NPL: variants seen among roughly 807,000 people sequenced by gnomAD.
The protein encoded by NPL is N-acetylneuraminate pyruvate lyase, also known as N-acetylneuraminate lyase.
NPL carries 32 observed loss-of-function variants against 41.1 expected under a neutral mutation model. The observed-to-expected ratio is 0.78, with a 90% CI of 0.59 to 1.05. The LOEUF (loss-of-function observed/expected upper bound fraction) is 1.05, where lower values mean the gene tolerates loss of function less well. NPL is among the 50% of genes least tolerant of loss of function. NPL has a pLI of 0.00. For missense variants in NPL, 321 were observed against 378.4 expected (o/e 0.85, Z 1.26); for synonymous variants, 128 against 134.9 (o/e 0.95, Z 0.35).
chr1:182,825,868 G>C, intron 12 of NPL, 48 bp downstream of exon 12: 3 of 1,368,512 alleles, frequency 2.2e-6, no homozygotes, highest in Non-Finnish European at 3.1e-6. Flanking sequence ...AGACTGTAAA[G>C]AAAATGGAAT....
intron 7 of NPL, 120 bp from the exon 8 acceptor site, chr1:182,816,594 G>T: frequency 1.3e-6 from 1 of 741,712 alleles, no homozygotes; most frequent in Non-Finnish European, 2.4e-6. Context: ...AGTAAAAGTG[G>T]TTGAGAATTT....
At chr1:182,825,878 T>A (rs1667617718) in intron 12 of NPL, 58 bp downstream of exon 12, 1 of 1,224,744 alleles carries the variant, frequency 8.2e-7, no homozygotes, top group Non-Finnish European at 1.2e-6. Flanking sequence ...GAAAATGGAA[T>A]ACCATCACTT....
chr1:182,811,420 G>C (rs920784436), intron 5 of NPL, among the ~76,000 whole-genome samples: 5 of 151,848 alleles, frequency 3.3e-5, no homozygotes, highest in Non-Finnish European at 7.4e-5. Flanking sequence ...GTAGAGACAG[G>C]GTTTTGCCAT....
intron 4 of NPL, 86 bp downstream of exon 4, chr1:182,803,857 C>A: frequency 1.0e-6 from 1 of 971,582 alleles, no homozygotes; most frequent in Non-Finnish European, 1.7e-6. Flanking sequence ...CAAGAGGTCA[C>A]ACAGTCATGG....
chr1:182,793,503 C>G (rs929128258), intron 2 of NPL, among the ~76,000 whole-genome samples: 7 of 152,132 alleles, frequency 4.6e-5, no homozygotes, highest in African/African-American at 9.7e-5. Context: ...AATTGAACAC[C>G]TGGTGTCAAG....
rs1015815438 is a variant in NPL, at chr1:182,794,277, C to G, written c.-16-79C>G. The G allele has an allele frequency of 9.0e-6, 11 of 1,217,650 alleles. No individual in the cohort carries two copies. The African/African-American group carries it at 1.5e-4, about 16-fold the overall frequency. The allele number at this position is 1,217,650 out of a possible 1,614,324, so 75.4% of individuals were successfully genotyped here. A position where few individuals can be genotyped will look rare whatever the true frequency, so the allele number is the denominator to read the frequency against. Reference sequence around the variant, plus strand: ...TGTAAGCACATTTTACAGTTCTAAACTAGAAATGGACTTTGCCTGGGAGTT... The same window carrying G: ...TGTAAGCACATTTTACAGTTCTAAAGTAGAAATGGACTTTGCCTGGGAGTT... On this transcript the variant is annotated intron_variant, in intron 2 of 12. Coordinates refer to ENST00000367553, the MANE Select transcript of NPL (RefSeq NM_030769.3).
At position 182,828,817 on chromosome 1, in the gene NPL, A is replaced by T; in HGVS notation, c.872A>T (p.Glu291Val). The change falls in exon 13 of 13, where the codon GAG (glutamate) becomes GTG (valine). Residue 291 changes from glutamate to valine, a missense_variant. Coordinates refer to ENST00000367553, the MANE Select transcript of NPL (RefSeq NM_030769.3). This position sits in a 1 kb window ranked among gnomAD's most constrained non-coding sequence, Gnocchi z 4.0. ...CTTCCACTGCAGAAAGCCTCCAGGGAGTTTACTGATAGTGCTGAAGCTAAA... is the reference window on the plus strand; with the variant it reads ...CTTCCACTGCAGAAAGCCTCCAGGGTGTTTACTGATAGTGCTGAAGCTAAA... ...PRLPLQKASR[E>V]FTDSAEAKLK... is the part of the protein sequence containing the mutation. The T allele has an allele frequency of 6.2e-7, 1 of 1,614,172 alleles. No individual in the cohort carries two copies. Among genetic ancestry groups the T allele is most frequent in the East Asian group, 2.2e-5 (1 of 44,878 alleles).
intron 12 of NPL, chr1:182,826,153 G>A (rs1667625362): frequency 2.6e-6 from 1 of 388,592 alleles, no homozygotes; most frequent in Non-Finnish European, 4.7e-6. Flanking sequence ...AGTGCTTGGA[G>A]GAAGGCAGTC....
At chr1:182,818,499 TAGAGATGTGCA>T (rs1177259244) in intron 8 of NPL, 31 bp from the exon 9 acceptor site, 2 of 1,610,416 alleles carry the variant, frequency 1.2e-6, no homozygotes, top group Admixed American at 1.7e-5. Flanking sequence ...TGTTATTTCC[TAGAGATGTGCA>T]GATTAATGAG....
At chr1:182,799,768 A>G (rs1666781174) in intron 3 of NPL, among the ~76,000 whole-genome samples, 1 of 151,452 alleles carries the variant, frequency 6.6e-6, no homozygotes, top group African/African-American at 2.4e-5. Flanking sequence ...CAAGGCATGA[A>G]TCTAAACCCA....
At chr1:182,794,583 CTG>C in intron 3 of NPL, 144 bp downstream of exon 3, 2 of 783,288 alleles carry the variant, frequency 2.6e-6, no homozygotes, top group Non-Finnish European at 4.4e-6. Flanking sequence ...TCCCTCTGCA[CTG>C]TCTCTGATCC....
rs539763982 is a variant in NPL at position 182,812,235 on chromosome 1, G to C, written c.288+22G>C. 1.9e-4 allele frequency: 304 copies of C among 1,608,682 alleles called. 4 individuals are homozygous for C. The South Asian group carries it at 2.8e-3, about 15-fold the overall frequency. On this transcript the variant is annotated intron_variant, in intron 6 of 12. Coordinates refer to ENST00000367553, the MANE Select transcript of NPL (RefSeq NM_030769.3). ...ACTGGTATGTATGCAGTTCCATCTGGGAGAGACCATTCAAGGGGCCTCCAT... is the reference window on the plus strand; with the variant it reads ...ACTGGTATGTATGCAGTTCCATCTGCGAGAGACCATTCAAGGGGCCTCCAT...
At chr1:182,820,070 A>T (rs1445641459) in intron 10 of NPL, among the ~76,000 whole-genome samples, 1 of 152,174 alleles carries the variant, frequency 6.6e-6, no homozygotes, top group Admixed American at 6.5e-5. Flanking sequence ...CTGTATCCAG[A>T]TGGGCTTTCT....
chr1:182,802,575 C>T (rs189693536), intron 3 of NPL, among the ~76,000 whole-genome samples: 7 of 152,276 alleles, frequency 4.6e-5, no homozygotes, highest in East Asian at 1.9e-4. Context: ...GACAAAAGTG[C>T]GGTGGCAGCC....
Position 182,806,709 on chromosome 1 carries a change from G to A in NPL, c.230+477G>A, listed in dbSNP as rs542892295. On this transcript the variant is annotated intron_variant, in intron 5 of 12. Coordinates refer to ENST00000367553, the MANE Select transcript of NPL (RefSeq NM_030769.3). Reference sequence around the variant, plus strand: ...TATGGTGCTTCCTCTTGCGCTGTTGGAGGACTTTCTGTAGCCCATAAACTT... The same window carrying A: ...TATGGTGCTTCCTCTTGCGCTGTTGAAGGACTTTCTGTAGCCCATAAACTT... Among the ~76,000 whole-genome samples the A allele has an allele frequency of 2.6e-5, 4 of 152,278 alleles. No individual in the cohort carries two copies. In the South Asian group the frequency reaches 8.3e-4, roughly 32 times the overall value.
rs776091826 is a variant in NPL, at chr1:182,803,797, G to T, written c.142+26G>T. On this transcript the variant is annotated intron_variant, in intron 4 of 12. Coordinates refer to ENST00000367553, the MANE Select transcript of NPL (RefSeq NM_030769.3). Reference sequence around the variant, plus strand: ...GTAAGTCAACTCTGGGGATGTCGCTGCATGTCTCCAGCTCAGTCTTTAGAA... The same window carrying T: ...GTAAGTCAACTCTGGGGATGTCGCTTCATGTCTCCAGCTCAGTCTTTAGAA... 2.7e-6 allele frequency: 4 copies of T among 1,482,936 alleles called. No individual in the cohort carries two copies. In the East Asian group the frequency reaches 6.8e-5, roughly 25 times the overall value. The allele number at this position is 1,482,936 out of a possible 1,614,324, so 91.9% of individuals were successfully genotyped here.
Position 182,806,166 on chromosome 1 carries a change from G to C in NPL, c.164G>C (p.Gly55Ala), listed in dbSNP as rs1406848059. ...NIFVNGTTGE[G>A]LSLSVSERRQ... ...ACAGTGAATGGCACAACAGGAGAAGGCCTGTCCCTGAGCGTCTCAGAGCGT... is the reference window on the plus strand; with the variant it reads ...ACAGTGAATGGCACAACAGGAGAAGCCCTGTCCCTGAGCGTCTCAGAGCGT... The change falls in exon 5 of 13, where the codon GGC becomes GCC. Residue 55 changes from glycine (G) to alanine (A), a missense_variant. Coordinates refer to ENST00000367553, the MANE Select transcript of NPL (RefSeq NM_030769.3). The C allele has an allele frequency of 6.2e-7, 1 of 1,614,248 alleles. No homozygotes were observed. Among genetic ancestry groups the C allele is most frequent in the African/African-American group, 1.3e-5 (1 of 75,058 alleles).
chr1:182,818,676 T>C lies in NPL; in HGVS notation c.593T>C (p.Phe198Ser), dbSNP rs1667404339. The C allele has an allele frequency of 1.2e-6, 2 of 1,614,216 alleles. No homozygotes were observed. The highest frequency in any genetic ancestry group is 1.1e-5 in the South Asian group (1 of 91,088). ...CGCCAGCAACAGTTTGCTTTCCTTT[T>C]TGGGGTGGATGAGGTAAGTCACCCC... ...QNRQQQFAFL[F>S]GVDEQLLSAL... is the part of the protein sequence containing the mutation. Residue 198 changes from phenylalanine to serine, a missense_variant, in exon 9 of 13, where the codon TTT (phenylalanine) becomes TCT (serine). Transcript: ENST00000367553.
chr1:182,825,634 C>A, intron 11 of NPL, 147 bp from the exon 12 acceptor site: 1 of 662,744 alleles, frequency 1.5e-6, no homozygotes, highest in Non-Finnish European at 2.7e-6. Context: ...CAGCCATCTT[C>A]ACTTGGCTAT....
Sources: allele counts gnomAD v4.1 joint callset (sites outside exome capture counted in the v4.1 genomes callset), GRCh38; gene constraint gnomAD v4.1.1; non-coding constraint Gnocchi (gnomAD v3.1); transcripts MANE v1.5; gene names NCBI Gene and HGNC (gene_info 2026-07-23, HGNC 2026-07-21).